The following ARHGAP28 variants were observed in gnomAD, a reference collection of about 807,000 sequenced individuals.
The protein encoded by ARHGAP28 is rho GTPase-activating protein 28.
Under a neutral mutation model 90.7 loss-of-function variants are expected in ARHGAP28, and 56 were observed. The ratio of observed to expected loss-of-function variants is 0.62; its 90% CI spans 0.50 to 0.77. ARHGAP28 has a LOEUF of 0.77. Among genes scored for constraint, ARHGAP28 ranks in the 30% least tolerant of loss-of-function variants. The pLI, the probability that ARHGAP28 is intolerant of heterozygous loss-of-function variation, is 0.00. For missense variants in ARHGAP28, 869 were observed against 900.9 expected, an observed-to-expected ratio of 0.96 and a Z score of 0.45; for synonymous variants, 308 against 323.3, an observed-to-expected ratio of 0.95 and a Z score of 0.51.
At chr18:6,903,778 G>A (rs901781975) in intron 16 of ARHGAP28, among the ~76,000 whole-genome samples, 10 of 132,448 alleles carry the variant, frequency 7.6e-5, no homozygotes, top group African/African-American at 2.3e-4. Context: ...GCAGTGAGCC[G>A]AGATCACGCC....
chr18:6,734,511 A>G (rs2055909624), intron 1 of ARHGAP28, among the ~76,000 whole-genome samples: 1 of 152,216 alleles, frequency 6.6e-6, no homozygotes, highest in Non-Finnish European at 1.5e-5. Context: ...GCAATGTTTA[A>G]ACTTCTGTGA....
chr18:6,748,753 G>A (rs936269928), intron 1 of ARHGAP28, among the ~76,000 whole-genome samples: 3 of 152,162 alleles, frequency 2.0e-5, no homozygotes, highest in African/African-American at 7.2e-5. Context: ...TTTCCCACAT[G>A]TTTACTGGAA....
chr18:6,745,782 A>G (rs968465895), intron 1 of ARHGAP28, among the ~76,000 whole-genome samples: 1 of 152,210 alleles, frequency 6.6e-6, no homozygotes, highest in African/African-American at 2.4e-5. Flanking sequence ...ATCATTTCAT[A>G]GAAGCCTGAA....
At chr18:6,832,801 T>C (rs566253234) in intron 2 of ARHGAP28, among the ~76,000 whole-genome samples, 1 of 152,162 alleles carries the variant, frequency 6.6e-6, no homozygotes, top group East Asian at 1.9e-4. Context: ...TCTGTGTTTT[T>C]CTTCACAATT....
At chr18:6,890,271 G>T (rs932173231) in intron 13 of ARHGAP28, among the ~76,000 whole-genome samples, 159 bp from the exon 14 acceptor site, 3 of 152,172 alleles carry the variant, frequency 2.0e-5, no homozygotes, top group South Asian at 2.1e-4. Flanking sequence ...TTGAAACAGG[G>T]ATCCACATAA....
intron 16 of ARHGAP28, among the ~76,000 whole-genome samples, chr18:6,899,970 G>A (rs1243089033): frequency 6.6e-6 from 1 of 151,972 alleles, no homozygotes; most frequent in Non-Finnish European, 1.5e-5. Flanking sequence ...TGTCAGTGGG[G>A]CCCAGTGAGG....
At chr18:6,790,169 A>T (rs546438005) in intron 1 of ARHGAP28, 1 of 152,268 alleles carries the variant, frequency 6.6e-6, no homozygotes, top group African/African-American at 2.4e-5. Context: ...TTGTTCCCAA[A>T]TTTTCATAAA....
At chr18:6,897,554 T>C (rs561321403) in intron 16 of ARHGAP28, 9 of 152,340 alleles carry the variant, frequency 5.9e-5, no homozygotes, top group African/African-American at 1.9e-4. Flanking sequence ...CATTTATCCA[T>C]TGTAGAGCAT....
intron 1 of ARHGAP28, among the ~76,000 whole-genome samples, chr18:6,765,957 C>T (rs2056196877): frequency 6.6e-6 from 1 of 152,090 alleles, no homozygotes; most frequent in African/African-American, 2.4e-5. Flanking sequence ...TAATTTAATT[C>T]CATTGTGGTC....
At chr18:6,870,799 CT>C in intron 7 of ARHGAP28, 67 bp downstream of exon 7, 1 of 1,469,046 alleles carries the variant, frequency 6.8e-7, no homozygotes, top group Non-Finnish European at 9.2e-7. Context: ...ACTAAGATTT[CT>C]TTTTCTTTTT....
At chr18:6,768,610 A>G (rs1344866848) in intron 1 of ARHGAP28, among the ~76,000 whole-genome samples, 2 of 152,140 alleles carry the variant, frequency 1.3e-5, no homozygotes, top group Non-Finnish European at 2.9e-5. Context: ...CTGCTCTATG[A>G]AGTTGACGCT....
chr18:6,764,220 C>T (rs2056183202), intron 1 of ARHGAP28, among the ~76,000 whole-genome samples: 1 of 152,148 alleles, frequency 6.6e-6, no homozygotes, highest in Non-Finnish European at 1.5e-5. Flanking sequence ...TTCACAGGCA[C>T]TTCCTACAAT....
intron 4 of ARHGAP28, among the ~76,000 whole-genome samples, chr18:6,856,628 G>A (rs1055025430): frequency 2.0e-5 from 3 of 151,970 alleles, no homozygotes; most frequent in Non-Finnish European, 4.4e-5. Context: ...TCCCTCCTCA[G>A]CCTCTCAAGT....
chr18:6,870,515 A>G (rs2057075261), intron 6 of ARHGAP28, 75 bp from the exon 7 acceptor site: 1 of 1,424,206 alleles, frequency 7.0e-7, no homozygotes, highest in Non-Finnish European at 9.7e-7. Flanking sequence ...AATATTTTGA[A>G]TTTGTTTTAT....
intron 1 of ARHGAP28, among the ~76,000 whole-genome samples, chr18:6,764,203 C>G (rs1475979312): frequency 6.6e-6 from 1 of 152,106 alleles, no homozygotes; most frequent in Non-Finnish European, 1.5e-5. Context: ...GGTACCTTTT[C>G]TAGAATTTCA....
In ARHGAP28 at chr18:6,855,870, A is replaced by C. The variant is rs150931179; in HGVS notation, c.637-3938A>C. Among the ~76,000 whole-genome samples the C allele has an allele frequency of 5.0e-3, 767 of 152,340 alleles. 10 individuals are homozygous for C. The highest frequency in any genetic ancestry group is 0.017 in the African/African-American group (712 of 41,582). On this transcript the variant is annotated intron_variant, in intron 4 of 17. Transcript: ENST00000383472. ...GTACAGAGCCAGTGCCTGTACTGGC[A>C]CTTGGAGCTGCCTGCCCCACTGCAG...
chr18:6,824,806 A>T lies in ARHGAP28; in HGVS notation c.167A>T (p.Asn56Ile), dbSNP rs1345150782. The change falls in exon 2 of 18, where the codon AAT becomes ATT. Residue 56 changes from asparagine to isoleucine, a missense_variant. By Grantham distance (149) the Asn-to-Ile change is moderately radical (BLOSUM62 -3). Coordinates refer to ENST00000383472, the MANE Select transcript of ARHGAP28 (RefSeq NM_001366230.1). ...CGAAGAATTAACAGGATGCTCTCCAATGAATCCCTCCATCCTCCTGCCTTC... is the reference window on the plus strand; with the variant it reads ...CGAAGAATTAACAGGATGCTCTCCATTGAATCCCTCCATCCTCCTGCCTTC... The part of the protein sequence containing the change: ...RCRRINRMLS[N>I]ESLHPPAFSR... 1 of 1,536,232 alleles carries T rather than the reference A, an allele frequency of 6.5e-7. No homozygotes were observed. Among genetic ancestry groups the T allele is most frequent in the Non-Finnish European group, 8.7e-7 (1 of 1,146,928 alleles).
intron 1 of ARHGAP28, among the ~76,000 whole-genome samples, chr18:6,799,547 GAA>G (rs2143615315): frequency 6.6e-6 from 1 of 152,198 alleles, no homozygotes; most frequent in East Asian, 1.9e-4. Context: ...TAGACCAAAG[GAA>G]CAGAACAGAG....
intron 1 of ARHGAP28, among the ~76,000 whole-genome samples, chr18:6,753,017 A>G (rs1038434363): frequency 6.6e-6 from 1 of 152,106 alleles, no homozygotes; most frequent in African/African-American, 2.4e-5. Context: ...TAGACCCTCA[A>G]GCTTTTCCTA....
Sources: gnomAD v4.1 joint callset for allele counts (sites outside exome capture counted in the v4.1 genomes callset) on GRCh38, gnomAD v4.1.1 for gene constraint, MANE v1.5 for transcripts, NCBI Gene and HGNC (gene_info 2026-07-23, HGNC 2026-07-21) for gene names.